ZBTB20: variants seen among roughly 807,000 people sequenced by gnomAD.
The protein encoded by ZBTB20 is zinc finger and BTB domain containing 20.
ZBTB20 carries 9 observed loss-of-function variants against 56.9 expected under a neutral mutation model. That is an observed-to-expected ratio of 0.16 (90% CI 0.10 to 0.28). ZBTB20 has a LOEUF of 0.28. Ranked by LOEUF, ZBTB20 falls within the 10% of genes least tolerant of loss-of-function variation. The pLI, the probability that ZBTB20 is intolerant of heterozygous loss-of-function variation, is 1.00. For synonymous variants in ZBTB20, 417 were observed against 420.7 expected, an observed-to-expected ratio of 0.99 and a Z score of 0.11; for missense variants, 655 against 1,003.0, an observed-to-expected ratio of 0.65 and a Z score of 4.69.
intron 4 of ZBTB20, among the ~76,000 whole-genome samples, chr3:114,850,485 C>T (rs2074945131): frequency 1.3e-5 from 2 of 152,138 alleles, no homozygotes; most frequent in South Asian, 4.1e-4. Flanking sequence ...TATGTATACA[C>T]CCATTTAACC....
At position 115,137,192 on chromosome 3, in the gene ZBTB20, G is replaced by C. The variant is rs1576832650; in HGVS notation, c.-703+10027C>G. Among the ~76,000 whole-genome samples, 2 of 151,988 alleles carry C rather than the reference G, an allele frequency of 1.3e-5. 1 individual carries two copies. Among genetic ancestry groups the C allele is most frequent in the South Asian group, 4.1e-4 (2 of 4,830 alleles). ...TAAGGAACAGTAAAGACACATAAGG[G>C]ATGGTATAGCAATTTCATTATTCTT... On this transcript the variant is annotated intron_variant, in intron 1 of 11. Coordinates refer to ENST00000675478, the MANE Select transcript of ZBTB20 (RefSeq NM_001348800.3).
At position 114,332,124 on chromosome 3, in the gene ZBTB20, C is replaced by T. The variant is rs2079284087; in HGVS notation, c.*6881G>A. ...CAAAATCTCATTGAGGCATTCTAAA[C>T]CAAAGAAACCTCTGAATTTGAAACA... On this transcript the variant is annotated 3_prime_UTR_variant, in exon 12 of 12. Transcript: ENST00000675478. 1 of 129,634 alleles carries T rather than the reference C, an allele frequency of 7.7e-6. No homozygotes were observed. The highest frequency in any genetic ancestry group is 2.6e-4 in the South Asian group (1 of 3,846). 8.0% of individuals were successfully genotyped at this position (129,634 alleles called of 1,614,324 possible). A position where few individuals can be genotyped will look rare whatever the true frequency, so the allele number is the denominator to read the frequency against.
chr3:114,928,293 C>T (rs1205665872), intron 3 of ZBTB20, among the ~76,000 whole-genome samples: 3 of 152,206 alleles, frequency 2.0e-5, no homozygotes, highest in African/African-American at 7.2e-5. Context: ...GCTGCAGTCA[C>T]TGAGGGCAGC....
chr3:114,406,552 G>A (rs2087342345), intron 7 of ZBTB20, among the ~76,000 whole-genome samples: 1 of 152,086 alleles, frequency 6.6e-6, no homozygotes, highest in Non-Finnish European at 1.5e-5. Context: ...CTAAATATGA[G>A]CAACTGCGCC....
intron 6 of ZBTB20, among the ~76,000 whole-genome samples, chr3:114,665,193 T>G (rs965929800): frequency 6.6e-5 from 10 of 151,916 alleles, no homozygotes; most frequent in Non-Finnish European, 1.3e-4. Context: ...TACTGTATTT[T>G]TGCTGTACCT....
intron 5 of ZBTB20, among the ~76,000 whole-genome samples, chr3:114,776,894 G>A (rs764069464): frequency 6.6e-6 from 1 of 152,192 alleles, no homozygotes; most frequent in East Asian, 1.9e-4. Context: ...GATTATGAAT[G>A]TAAATGTTCT....
chr3:115,000,663 A>G (rs1165113872), intron 2 of ZBTB20, among the ~76,000 whole-genome samples: 1 of 151,636 alleles, frequency 6.6e-6, no homozygotes, highest in Non-Finnish European at 1.5e-5. Flanking sequence ...GAAAACAGCT[A>G]CTTTACCTTA....
chr3:114,946,384 T>G (rs1039030149), intron 3 of ZBTB20, among the ~76,000 whole-genome samples: 5 of 145,500 alleles, frequency 3.4e-5, no homozygotes, highest in Non-Finnish European at 5.9e-5. Flanking sequence ...ATCAAATACT[T>G]TCAAATAAAG....
In ZBTB20 at chr3:115,131,649, T is replaced by C. The variant is rs996117667; in HGVS notation, c.-703+15570A>G. ...TATTCCCAAAAATGAGACTGCCAGGTTAAAGTATTTGCAAATCATATGCAA... is the reference window on the plus strand; with the variant it reads ...TATTCCCAAAAATGAGACTGCCAGGCTAAAGTATTTGCAAATCATATGCAA... On this transcript the variant is annotated intron_variant, in intron 1 of 11. Transcript: ENST00000675478. Among the ~76,000 whole-genome samples, 3 of 152,350 alleles carry C rather than the reference T, an allele frequency of 2.0e-5. No homozygotes were observed. The East Asian group carries it at 5.8e-4, about 29-fold the overall frequency.
chr3:114,971,610 A>G (rs2077887722), intron 3 of ZBTB20, among the ~76,000 whole-genome samples: 1 of 152,234 alleles, frequency 6.6e-6, no homozygotes, highest in Non-Finnish European at 1.5e-5. Context: ...CACATTTTTA[A>G]ATATGTAATT....
At chr3:114,769,583 A>C (rs1316338669) in intron 5 of ZBTB20, among the ~76,000 whole-genome samples, 1 of 67,046 alleles carries the variant, frequency 1.5e-5, no homozygotes, top group Non-Finnish European at 3.8e-5. Flanking sequence ...ATATATATAT[A>C]TATATATATA....
chr3:114,691,200 A>AT (rs2062678539), intron 6 of ZBTB20, among the ~76,000 whole-genome samples: 1 of 152,190 alleles, frequency 6.6e-6, no homozygotes. Context: ...ATGAAGAAAA[A>AT]TACTACTATA....
intron 2 of ZBTB20, among the ~76,000 whole-genome samples, chr3:115,057,159 G>C (rs941096894): frequency 6.6e-6 from 1 of 152,018 alleles, no homozygotes; most frequent in African/African-American, 2.4e-5. Context: ...AACTGTCATT[G>C]CAATTATTGA....
At chr3:114,661,728 G>T (rs1011844743) in intron 6 of ZBTB20, among the ~76,000 whole-genome samples, 3 of 151,996 alleles carry the variant, frequency 2.0e-5, no homozygotes, top group Non-Finnish European at 4.4e-5. Flanking sequence ...TCATGAGTTT[G>T]TCTACTCATG....
At chr3:114,837,858 C>A (rs971166202) in intron 4 of ZBTB20, among the ~76,000 whole-genome samples, 1 of 151,996 alleles carries the variant, frequency 6.6e-6, no homozygotes, top group Non-Finnish European at 1.5e-5. Context: ...AATTGCTTAC[C>A]AGTACATTCT....
At chr3:114,529,251 T>C (rs1460626796) in intron 6 of ZBTB20, 2 of 152,162 alleles carry the variant, frequency 1.3e-5, no homozygotes, top group South Asian at 2.1e-4. Flanking sequence ...TGTGTAATCA[T>C]TGCTCTCTCT....
At chr3:114,453,793 G>A (rs1479967346) in intron 7 of ZBTB20, among the ~76,000 whole-genome samples, 1 of 151,974 alleles carries the variant, frequency 6.6e-6, no homozygotes, top group East Asian at 1.9e-4. Context: ...ATGATGGGGA[G>A]AAAAGATAAC....
chr3:114,489,757 C>G (rs1319075547), intron 7 of ZBTB20, among the ~76,000 whole-genome samples: 1 of 152,140 alleles, frequency 6.6e-6, no homozygotes, highest in South Asian at 2.1e-4. Flanking sequence ...TTTTGCTCGA[C>G]AGCTGCCAAA....
chr3:115,035,544 A>AACACACACACACACACACAC (rs111286494), intron 2 of ZBTB20, among the ~76,000 whole-genome samples: 17 of 147,858 alleles, frequency 1.1e-4, no homozygotes, highest in African/African-American at 3.9e-4. Context: ...GCTACTATCA[A>AACACACACACACACACACAC]ACACACACAC....
Sources: allele counts gnomAD v4.1 joint callset (sites outside exome capture counted in the v4.1 genomes callset), GRCh38; gene constraint gnomAD v4.1.1; transcripts MANE v1.5; gene names NCBI Gene and HGNC (gene_info 2026-07-23, HGNC 2026-07-21).